PSG9: variants seen among roughly 807,000 people sequenced by gnomAD.
PSG9 encodes pregnancy specific beta-1-glycoprotein 9.
A neutral mutation model predicts 41.9 loss-of-function variants in PSG9; 49 were observed. The observed-to-expected ratio is 1.17, with a 90% CI of 0.93 to 1.48. The LOEUF (loss-of-function observed/expected upper bound fraction) is 1.48. Among genes scored for constraint, PSG9 ranks in the 40% most tolerant of loss-of-function variants. The pLI is 0.00. For missense variants in PSG9, 641 were observed against 520.3 expected (o/e 1.23, Z -2.26); for synonymous variants, 263 against 196.8 (o/e 1.34, Z -2.82).
Position 43,261,886 on chromosome 19 carries a change from C to G in PSG9, c.683G>C (p.Ser228Thr), listed in dbSNP as rs1156482630. 3 of 1,614,072 alleles carry G rather than the reference C, an allele frequency of 1.9e-6. No homozygotes were observed. The South Asian group carries it at 3.3e-5, about 18-fold the overall frequency. Residue 228 changes from serine to threonine, a missense_variant, in exon 3 of 6, where the codon AGT becomes ACT. Ser to Thr is a moderately conservative substitution (Grantham distance 58). Coordinates refer to ENST00000270077, the MANE Select transcript of PSG9 (RefSeq NM_002784.5). ...GAGGAGATTCAGGGTGACTGGGTCACTGCGACTGGCACTCACTGGGTTCCG... is the reference window on the plus strand; with the variant it reads ...GAGGAGATTCAGGGTGACTGGGTCAGTGCGACTGGCACTCACTGGGTTCCG... ...EIRNPVSASR[S>T]DPVTLNLLPK...
intron 2 of PSG9, among the ~76,000 whole-genome samples, chr19:43,266,612 C>A (rs892291575): frequency 6.6e-6 from 1 of 152,086 alleles, no homozygotes; most frequent in Non-Finnish European, 1.5e-5. Flanking sequence ...TGCACTGACT[C>A]TGATGGTTGA....
chr19:43,263,676 T>C (rs575212407), intron 2 of PSG9, among the ~76,000 whole-genome samples: 86 of 152,158 alleles, frequency 5.7e-4, no homozygotes, highest in African/African-American at 1.6e-3. Flanking sequence ...CTAAGATCAA[T>C]TGCTGGTAGT....
chr19:43,255,825 C>G (rs995202537), intron 5 of PSG9, among the ~76,000 whole-genome samples: 3 of 146,116 alleles, frequency 2.1e-5, no homozygotes, highest in Non-Finnish European at 1.5e-5. Flanking sequence ...TACCTGAAAT[C>G]TACAAAATAT....
chr19:43,259,256 G>A, intron 3 of PSG9, 121 bp from the exon 4 acceptor site: 3 of 1,429,478 alleles, frequency 2.1e-6, no homozygotes, highest in South Asian at 1.3e-5. Flanking sequence ...AAAGCCAATA[G>A]CTGGTGCGTG....
intron 2 of PSG9, among the ~76,000 whole-genome samples, chr19:43,266,181 G>C (rs754942927): frequency 6.6e-6 from 1 of 152,044 alleles, no homozygotes; most frequent in South Asian, 2.1e-4. Flanking sequence ...GGTGCCCCCA[G>C]TTCCACAGTC....
Position 43,267,995 on chromosome 19 carries a change from C to T in PSG9, c.219G>A (p.Thr73=), listed in dbSNP as rs201729098. ...PGYFWYKGEM[T]DLYHYIISYI... ...ACGATATAATGTAATGGTAGAGGTC[C>T]GTCATTTCCCCTTTGTACCAGAAGT... Residue 73 remains threonine, a synonymous_variant, in exon 2 of 6, where the codon ACG becomes ACA. Coordinates refer to ENST00000270077, the MANE Select transcript of PSG9 (RefSeq NM_002784.5). 44 of 1,613,760 alleles carry T rather than the reference C, an allele frequency of 2.7e-5. 1 individual carries two copies. The highest frequency in any genetic ancestry group is 4.4e-5 in the South Asian group (4 of 91,070).
chr19:43,258,760 G>C, intron 4 of PSG9, 97 bp downstream of exon 4: 2 of 1,519,490 alleles, frequency 1.3e-6, no homozygotes, highest in Non-Finnish European at 1.8e-6. Context: ...AAGTAAAGGT[G>C]TCTATACTTG....
intron 5 of PSG9, among the ~76,000 whole-genome samples, chr19:43,254,752 T>A (rs1167718864): frequency 3.4e-5 from 5 of 145,444 alleles, no homozygotes; most frequent in Non-Finnish European, 7.4e-5. Flanking sequence ...TTAACTAGAT[T>A]GACTAAGAAA....
chr19:43,261,625 C>T (rs1416494920), intron 3 of PSG9, among the ~76,000 whole-genome samples: 1 of 152,170 alleles, frequency 6.6e-6, no homozygotes, highest in Non-Finnish European at 1.5e-5. Flanking sequence ...TCACCTGTTT[C>T]TCCCATCACA....
intron 2 of PSG9, among the ~76,000 whole-genome samples, 161 bp from the exon 3 acceptor site, chr19:43,262,299 G>A (rs907869762): frequency 1.3e-5 from 2 of 152,086 alleles, no homozygotes; most frequent in African/African-American, 4.8e-5. Flanking sequence ...GGCAATCTGA[G>A]AGCTCAGAGA....
rs776102862 is a variant in PSG9, at chr19:43,261,815, A to T, written c.709+45T>A. The stretch of plus-strand genomic sequence containing the variant: ...AGAGGCCTGGCCTCTGGCCATGTGT[A>T]TTTGGGATGGCAGCCTGGCTCACAG... On this transcript the variant is annotated intron_variant, in intron 3 of 5. Transcript: ENST00000270077. 10 of 1,613,882 alleles carry T rather than the reference A, an allele frequency of 6.2e-6. No homozygotes were observed. In the East Asian group the frequency reaches 2.0e-4, roughly 32 times the overall value.
In PSG9 at chr19:43,258,192, A is replaced by G; in HGVS notation, c.1243+10T>C. On this transcript the variant is annotated intron_variant, in intron 5 of 5. Transcript: ENST00000270077. ...AAACCCTACTGCCAAGGATGCTGGG[A>G]TCCACTTACCAGAGACTTTGACTGT... 6.3e-7 allele frequency: 1 copy of G among 1,592,636 alleles called. No individual in the cohort carries two copies. The highest frequency in any genetic ancestry group is 8.5e-7 in the Non-Finnish European group (1 of 1,174,446).
intron 4 of PSG9, 43 bp from the exon 5 acceptor site, chr19:43,258,499 G>A (rs757911822): frequency 1.3e-6 from 2 of 1,523,316 alleles, no homozygotes; most frequent in Non-Finnish European, 1.7e-6. Context: ...TCATTCGAGG[G>A]AAGGGGATGT....
At chr19:43,257,959 A>G (rs772101311) in intron 5 of PSG9, 1 of 1,450,836 alleles carries the variant, frequency 6.9e-7, no homozygotes. Flanking sequence ...CATAGGGCTC[A>G]GGGCTGATAA....
rs1599818840 is a variant in PSG9, at chr19:43,258,070, G to C, written c.1243+132C>G. On this transcript the variant is annotated intron_variant, in intron 5 of 5. Coordinates refer to ENST00000270077, the MANE Select transcript of PSG9 (RefSeq NM_002784.5). ...TGTAGAGACAAATTGGGAGGGTTCA[G>C]GAGGAGAATTTGGGATTTGCTTGTG... The C allele has an allele frequency of 3.8e-6, 6 of 1,587,914 alleles. 1 individual carries two copies. The East Asian group carries it at 1.6e-4, about 42-fold the overall frequency.
At chr19:43,256,438 T>A (rs1968447028) in intron 5 of PSG9, among the ~76,000 whole-genome samples, 1 of 146,790 alleles carries the variant, frequency 6.8e-6, no homozygotes, top group South Asian at 2.2e-4. Context: ...GCAAATTATA[T>A]GTGTGATAAG....
intron 4 of PSG9, 51 bp from the exon 5 acceptor site, chr19:43,258,507 T>C: frequency 6.6e-7 from 1 of 1,517,536 alleles, no homozygotes; most frequent in South Asian, 1.3e-5. Context: ...GGGAAGGGGA[T>C]GTTCCTGGTC....
chr19:43,256,145 G>T lies in PSG9; in HGVS notation c.1243+2057C>A, dbSNP rs116922805. Among the ~76,000 whole-genome samples the T allele has an allele frequency of 2.2e-4, 32 of 146,706 alleles. 8 individuals carry two copies. In the East Asian group the frequency reaches 7.6e-3, roughly 35 times the overall value. ...GTTCTCACCAAAGGATATTGGGAAA[G>T]CTGGATATCCAAGGGCAAGAAGATT... On this transcript the variant is annotated intron_variant, in intron 5 of 5. Coordinates refer to ENST00000270077, the MANE Select transcript of PSG9 (RefSeq NM_002784.5).
chr19:43,266,344 G>A lies in PSG9; in HGVS notation c.430+1440C>T, dbSNP rs188045495. Among the ~76,000 whole-genome samples the A allele has an allele frequency of 5.1e-3, 764 of 151,122 alleles. 19 individuals are homozygous for A. Among genetic ancestry groups the A allele is most frequent in the African/African-American group, 0.017 (701 of 41,292 alleles). On this transcript the variant is annotated intron_variant, in intron 2 of 5. Transcript: ENST00000270077. Reference sequence around the variant, plus strand: ...GACAGGTGTGGCTAGAACCTCCTAGGATTCTGCATGCAAATTCAGTCTCTA... The same window carrying A: ...GACAGGTGTGGCTAGAACCTCCTAGAATTCTGCATGCAAATTCAGTCTCTA...
Sources: gnomAD v4.1 joint callset for allele counts (sites outside exome capture counted in the v4.1 genomes callset) on GRCh38, gnomAD v4.1.1 for gene constraint, MANE v1.5 for transcripts, NCBI Gene and HGNC (gene_info 2026-07-23, HGNC 2026-07-21) for gene names.